Variants in IL1RAPL1 observed in about 807,000 individuals in gnomAD.
The protein encoded by IL1RAPL1 is interleukin 1 receptor accessory protein like 1.
In IL1RAPL1, 3 loss-of-function variants were observed where a neutral mutation model predicts 48.4. The ratio of observed to expected loss-of-function variants is 0.06; its 90% CI spans 0.03 to 0.16. The LOEUF is 0.16. Ranked by LOEUF, IL1RAPL1 falls within the 10% of genes least tolerant of loss-of-function variation. IL1RAPL1 has a pLI of 1.00. For synonymous variants in IL1RAPL1, 185 were observed against 187.7 expected (o/e 0.99, Z 0.12); for missense variants, 349 against 530.6 (o/e 0.66, Z 3.36).
chrX:28,683,991 G>A (rs1011727836), intron 1 of IL1RAPL1, among the ~76,000 whole-genome samples: 2 of 112,318 alleles, frequency 1.8e-5, no homozygotes, highest in Admixed American at 1.9e-4. Flanking sequence ...CTTTTGCCAT[G>A]TAAGGTTACA....
chrX:29,284,204 T>C (rs890271548), intron 3 of IL1RAPL1, among the ~76,000 whole-genome samples: 10 of 112,039 alleles, frequency 8.9e-5, no homozygotes, highest in Admixed American at 1.9e-4. Flanking sequence ...GATCAGCAGC[T>C]AACACTCCTC....
intron 2 of IL1RAPL1, among the ~76,000 whole-genome samples, chrX:29,035,722 G>GA (rs1289208933): frequency 1.8e-5 from 2 of 111,196 alleles, no homozygotes; most frequent in African/African-American, 3.3e-5. Context: ...GCATTGGAGT[G>GA]AAAAAAATGC....
chrX:29,562,392 G>C (rs1439339707), intron 5 of IL1RAPL1, among the ~76,000 whole-genome samples: 2 of 110,940 alleles, frequency 1.8e-5, no homozygotes, highest in Admixed American at 9.7e-5. Context: ...ATTGAAGAGA[G>C]ACACTAGAAG....
intron 5 of IL1RAPL1, among the ~76,000 whole-genome samples, chrX:29,497,468 T>C (rs890067212): frequency 9.0e-6 from 1 of 111,711 alleles, no homozygotes; most frequent in Non-Finnish European, 1.9e-5. Context: ...AGGAGCTACA[T>C]GGCAATTAAT....
At chrX:28,824,239 G>A (rs1291317724) in intron 2 of IL1RAPL1, among the ~76,000 whole-genome samples, 1 of 110,252 alleles carries the variant, frequency 9.1e-6, no homozygotes, top group Non-Finnish European at 1.9e-5. Context: ...GGACCATCTG[G>A]GTACTCCAAA....
chrX:29,272,010 A>G (rs1228434303), intron 2 of IL1RAPL1, among the ~76,000 whole-genome samples: 2 of 111,730 alleles, frequency 1.8e-5, no homozygotes, highest in African/African-American at 6.5e-5. Context: ...AATGTCCTAG[A>G]TTATCTTCCA....
intron 2 of IL1RAPL1, among the ~76,000 whole-genome samples, chrX:28,821,629 A>G (rs1257925354): frequency 9.0e-6 from 1 of 111,124 alleles, no homozygotes; most frequent in Non-Finnish European, 1.9e-5. Context: ...TGCAAGTAAT[A>G]TTACCAAAAT....
At chrX:29,564,596 T>C (rs1281024269) in intron 5 of IL1RAPL1, among the ~76,000 whole-genome samples, 1 of 112,817 alleles carries the variant, frequency 8.9e-6, no homozygotes, top group African/African-American at 3.2e-5. Flanking sequence ...TTGGGCTCTT[T>C]CTGGCTACAA....
At chrX:29,430,492 C>G (rs1330705580) in intron 5 of IL1RAPL1, among the ~76,000 whole-genome samples, 1 of 111,027 alleles carries the variant, frequency 9.0e-6, no homozygotes, top group African/African-American at 3.3e-5. Context: ...CTTTGTTAGG[C>G]TTTCTGTTTC....
chrX:29,333,179 G>C (rs1241115216), intron 3 of IL1RAPL1, among the ~76,000 whole-genome samples: 1 of 107,379 alleles, frequency 9.3e-6, no homozygotes, highest in Non-Finnish European at 2.0e-5. Context: ...CTCCCAGACG[G>C]GGTCGTGGCC....
intron 2 of IL1RAPL1, among the ~76,000 whole-genome samples, chrX:28,859,910 A>T (rs1437491770): frequency 1.8e-5 from 2 of 110,838 alleles, no homozygotes; most frequent in Non-Finnish European, 3.8e-5. Context: ...TTGTTTACTT[A>T]AGATTATTGT....
intron 5 of IL1RAPL1, among the ~76,000 whole-genome samples, chrX:29,585,097 A>G (rs1042027418): frequency 2.7e-5 from 3 of 112,058 alleles, no homozygotes; most frequent in African/African-American, 9.8e-5. Context: ...AAAACTTTTG[A>G]ATGTACAATA....
intron 2 of IL1RAPL1, among the ~76,000 whole-genome samples, chrX:29,187,774 C>T (rs753938191): frequency 1.8e-5 from 2 of 111,725 alleles, no homozygotes; most frequent in South Asian, 7.5e-4. Flanking sequence ...TCACCCCTTA[C>T]TCCCCTATCC....
chrX:29,769,587 G>A (rs769863107), intron 6 of IL1RAPL1, among the ~76,000 whole-genome samples: 14 of 100,477 alleles, frequency 1.4e-4, no homozygotes, highest in African/African-American at 4.4e-4. Flanking sequence ...GGAATTATAG[G>A]CGCCCGCCAC....
At chrX:28,915,868 A>T (rs1002392654) in intron 2 of IL1RAPL1, among the ~76,000 whole-genome samples, 2 of 110,658 alleles carry the variant, frequency 1.8e-5, no homozygotes, top group Admixed American at 9.7e-5. Context: ...CTTGGGTAGC[A>T]GTGTTAACAC....
chrX:29,138,517 C>T (rs1300331921), intron 2 of IL1RAPL1, among the ~76,000 whole-genome samples: 1 of 110,596 alleles, frequency 9.0e-6, no homozygotes, highest in Admixed American at 9.6e-5. Context: ...CCGGTAATCC[C>T]GGCACTTTGG....
At chrX:28,689,421 A>G (rs1025731299) in intron 1 of IL1RAPL1, among the ~76,000 whole-genome samples, 2 of 111,200 alleles carry the variant, frequency 1.8e-5, no homozygotes, top group Admixed American at 1.9e-4. Context: ...CCCTTCTGCC[A>G]TGATTGTAAG....
chrX:29,575,552 G>A (rs1922747998), intron 5 of IL1RAPL1, among the ~76,000 whole-genome samples: 1 of 112,025 alleles, frequency 8.9e-6, no homozygotes, highest in African/African-American at 3.3e-5. Flanking sequence ...TGCACTGGCA[G>A]CCAGTTGGAT....
At chrX:29,164,025 C>G (rs1334122491) in intron 2 of IL1RAPL1, among the ~76,000 whole-genome samples, 2 of 111,260 alleles carry the variant, frequency 1.8e-5, no homozygotes, top group East Asian at 5.6e-4. Flanking sequence ...TCACTTGCCT[C>G]TAGGTGAAAA....
Sources: allele counts gnomAD v4.1 joint callset (sites outside exome capture counted in the v4.1 genomes callset), GRCh38; gene constraint gnomAD v4.1.1; transcripts MANE v1.5; gene names NCBI Gene and HGNC (gene_info 2026-07-23, HGNC 2026-07-21).